The following SNX18 variants were observed in gnomAD, a reference collection of about 807,000 sequenced individuals.
SNX18 encodes the protein sorting nexin-18.
Under a neutral mutation model 48.7 loss-of-function variants are expected in SNX18, and 35 were observed. That is an observed-to-expected ratio of 0.72 (90% CI 0.55 to 0.95). The LOEUF (loss-of-function observed/expected upper bound fraction) is 0.95. Ranked by LOEUF, SNX18 falls within the 40% of genes least tolerant of loss-of-function variation. The pLI is 0.00. For missense variants in SNX18, 824 were observed against 871.0 expected (o/e 0.95, Z 0.68); for synonymous variants, 492 against 384.7 (o/e 1.28, Z -3.26).
chr5:54,569,060 C>G, the SNX18 span, among the ~76,000 whole-genome samples: 1 of 151,440 alleles, frequency 6.6e-6, no homozygotes, highest in Non-Finnish European at 1.5e-5. Flanking sequence ...CCAGGCTGGT[C>G]TCAAACTCCT....
chr5:54,524,590 C>T (rs946102731), intron 1 of SNX18, among the ~76,000 whole-genome samples: 5 of 152,182 alleles, frequency 3.3e-5, no homozygotes, highest in African/African-American at 1.2e-4. Context: ...TATTGTATTA[C>T]CCCATGTATT....
chr5:54,624,608 G>A, the SNX18 span, among the ~76,000 whole-genome samples: 1 of 152,188 alleles, frequency 6.6e-6, no homozygotes, highest in African/African-American at 2.4e-5. Context: ...AGACTGCAAA[G>A]CCAACGTTTC....
chr5:54,614,205 G>A, the SNX18 span, among the ~76,000 whole-genome samples: 1 of 152,160 alleles, frequency 6.6e-6, no homozygotes, highest in African/African-American at 2.4e-5. Context: ...ACTTAGGGAG[G>A]AGAAAAAACT....
the SNX18 span, among the ~76,000 whole-genome samples, chr5:54,642,646 G>C: frequency 7.9e-5 from 12 of 152,182 alleles, no homozygotes; most frequent in African/African-American, 2.9e-4. Context: ...AAATGATTCT[G>C]CTGGAAGCAA....
At chr5:54,643,353 T>C in the SNX18 span, among the ~76,000 whole-genome samples, 1 of 152,184 alleles carries the variant, frequency 6.6e-6, no homozygotes, top group Non-Finnish European at 1.5e-5. Context: ...CAAAACTGCA[T>C]CTATAGGACT....
At chr5:54,529,931 C>T (rs1307278596) in intron 1 of SNX18, among the ~76,000 whole-genome samples, 1 of 152,200 alleles carries the variant, frequency 6.6e-6, no homozygotes, top group Non-Finnish European at 1.5e-5. Flanking sequence ...AACTGGGTGA[C>T]TTACAACAAC....
intron 1 of SNX18, among the ~76,000 whole-genome samples, chr5:54,541,922 G>T (rs1196947681): frequency 1.3e-5 from 2 of 151,994 alleles, no homozygotes; most frequent in Non-Finnish European, 2.9e-5. Context: ...TCACTATTGG[G>T]CAAAACAACA....
At chr5:54,644,971 A>G in the SNX18 span, 1 of 152,232 alleles carries the variant, frequency 6.6e-6, no homozygotes, top group Non-Finnish European at 1.5e-5. Context: ...AGCTTGTTAG[A>G]AAGGCAGCTT....
rs1412497068 is a variant in SNX18, at chr5:54,518,363, T to G, written c.411T>G (p.Pro137=). ...PYGGGALQPS[P]QQLYGGYQAS... The stretch of plus-strand genomic sequence containing the variant: ...GCGGGGGCGCCCTGCAGCCGTCGCC[T>G]CAGCAGCTCTACGGCGGCTACCAGG... The change falls in exon 1 of 2, where the codon CCT becomes CCG. Residue 137 remains proline, a synonymous_variant. Transcript: ENST00000381410. The G allele has an allele frequency of 6.4e-7, 1 of 1,551,742 alleles. No homozygotes were observed. The highest frequency in any genetic ancestry group is 8.7e-7 in the Non-Finnish European group (1 of 1,151,094).
the SNX18 span, among the ~76,000 whole-genome samples, chr5:54,582,304 A>T: frequency 6.6e-6 from 1 of 152,206 alleles, no homozygotes; most frequent in African/African-American, 2.4e-5. Context: ...AGATGCCTGT[A>T]TCCTAAACTG....
intron 1 of SNX18, among the ~76,000 whole-genome samples, chr5:54,537,550 C>A (rs1329570855): frequency 6.6e-6 from 1 of 151,988 alleles, no homozygotes; most frequent in African/African-American, 2.4e-5. Flanking sequence ...ACTGTGGGAT[C>A]TTTTGTTTGT....
the SNX18 span, among the ~76,000 whole-genome samples, chr5:54,593,288 A>T: frequency 6.6e-6 from 1 of 152,202 alleles, no homozygotes; most frequent in African/African-American, 2.4e-5. Flanking sequence ...TTCCTTCAGA[A>T]CCTAATGGGG....
At chr5:54,578,705 G>T in the SNX18 span, among the ~76,000 whole-genome samples, 1 of 152,180 alleles carries the variant, frequency 6.6e-6, no homozygotes, top group African/African-American at 2.4e-5. Flanking sequence ...CTTTCTTGTT[G>T]TCTGCATGAG....
chr5:54,623,068 T>C, the SNX18 span, among the ~76,000 whole-genome samples: 1 of 152,234 alleles, frequency 6.6e-6, no homozygotes, highest in African/African-American at 2.4e-5. Flanking sequence ...TTGGATCCCC[T>C]TTCAAACACA....
chr5:54,547,218 G>A (rs1484820303), downstream of SNX18, among the ~76,000 whole-genome samples: 1 of 152,334 alleles, frequency 6.6e-6, no homozygotes, highest in Admixed American at 6.5e-5. Context: ...TGGGGAGGCT[G>A]TGAGAAGGAG....
At chr5:54,520,774 C>T (rs1270844697) in intron 1 of SNX18, 2 of 167,038 alleles carry the variant, frequency 1.2e-5, no homozygotes, top group Non-Finnish European at 2.9e-5. Context: ...CTTCCAAATG[C>T]GTGACTGGTC....
the SNX18 span, among the ~76,000 whole-genome samples, chr5:54,564,599 G>A: frequency 6.6e-6 from 1 of 152,226 alleles, no homozygotes; most frequent in African/African-American, 2.4e-5. Context: ...GCTCACGCCT[G>A]TAATCCCAGC....
At chr5:54,644,099 C>T in the SNX18 span, 1 of 152,256 alleles carries the variant, frequency 6.6e-6, no homozygotes. Context: ...TGCCAGCATC[C>T]TTGAGCCAGG....
At chr5:54,556,294 C>G in the SNX18 span, among the ~76,000 whole-genome samples, 1 of 152,172 alleles carries the variant, frequency 6.6e-6, no homozygotes, top group Non-Finnish European at 1.5e-5. Flanking sequence ...AAAGAGACTT[C>G]TGAGCTAAAA....
Sources: allele counts gnomAD v4.1 joint callset (sites outside exome capture counted in the v4.1 genomes callset), GRCh38; gene constraint gnomAD v4.1.1; transcripts MANE v1.5; gene names NCBI Gene and HGNC (gene_info 2026-07-23, HGNC 2026-07-21).